The following KIAA1671 variants were observed in gnomAD, a reference collection of about 807,000 sequenced individuals.
KIAA1671 encodes the protein uncharacterized protein KIAA1671.
KIAA1671 carries 52 observed loss-of-function variants against 131.2 expected under a neutral mutation model. The ratio of observed to expected loss-of-function variants is 0.40; its 90% confidence interval spans 0.32 to 0.50. The LOEUF is 0.50. Ranked by LOEUF, KIAA1671 falls within the 20% of genes least tolerant of loss-of-function variation. The pLI is 0.73. For missense variants in KIAA1671, 2,360 were observed against 2,364.2 expected (o/e 1.00, Z 0.04); for synonymous variants, 1,003 against 961.6 (o/e 1.04, Z -0.80).
At chr22:25,119,543 A>G (rs1218268221) in intron 6 of KIAA1671, among the ~76,000 whole-genome samples, 1 of 152,258 alleles carries the variant, frequency 6.6e-6, no homozygotes, top group Non-Finnish European at 1.5e-5. Context: ...TGGGACTCAT[A>G]GGAGCAGGGA....
In KIAA1671 at chr22:25,039,541, G is replaced by A; in HGVS notation, c.2411G>A (p.Gly804Asp). The A allele has an allele frequency of 1.3e-6, 2 of 1,551,848 alleles. No individual in the cohort carries two copies. The highest frequency in any genetic ancestry group is 1.2e-5 in the South Asian group (1 of 84,070). The change falls in exon 5 of 13, where the codon GGC becomes GAC. Residue 804 changes from glycine to aspartate, a missense_variant. This residue lies in a region of KIAA1671 where 1,185 missense variants were observed against 1,126.2 expected (regional missense o/e 1.05). Transcript: ENST00000358431. Reference protein sequence around the residue: ...QRASLIWEARGMPEASGPKFG... With the variant: ...QRASLIWEARDMPEASGPKFG... ...GCCAGTTTGATTTGGGAAGCTCGAG[G>A]CATGCCTGAGGCTAGTGGACCGAAG...
chr22:24,954,888 C>A (rs968771403), intron 1 of KIAA1671, among the ~76,000 whole-genome samples: 16 of 152,174 alleles, frequency 1.1e-4, no homozygotes, highest in Non-Finnish European at 2.2e-4. Context: ...TCAAGCAATT[C>A]TCCGGCCTCA....
intron 6 of KIAA1671, among the ~76,000 whole-genome samples, chr22:25,077,691 C>T (rs1402554616): frequency 6.6e-6 from 1 of 152,202 alleles, no homozygotes; most frequent in Non-Finnish European, 1.5e-5. Context: ...GTGTTCCATG[C>T]CTTGGTCTCC....
rs1047165414 is a variant in KIAA1671 at position 25,029,277 on chromosome 22, G to A, written c.1278G>A (p.Ala426=). 4.6e-6 allele frequency: 7 copies of A among 1,508,226 alleles called. No individual in the cohort carries two copies. Among genetic ancestry groups the A allele is most frequent in the Admixed American group, 2.1e-5 (1 of 47,756 alleles). 93.4% of individuals were successfully genotyped at this position (1,508,226 alleles called of 1,614,324 possible). Residue 426 remains alanine, a synonymous_variant, in exon 3 of 13, where the codon GCG becomes GCA. Transcript: ENST00000358431. ...VKSRVADGEA[A]AGGEWASRRS... ...GCAGAGTGGCGGATGGGGAGGCCGC[G>A]GCAGGGGGAGAGTGGGCCTCCAGGA...
intron 1 of KIAA1671, among the ~76,000 whole-genome samples, chr22:25,022,153 C>CT (rs1452042101): frequency 6.6e-6 from 1 of 152,160 alleles, no homozygotes; most frequent in Non-Finnish European, 1.5e-5. Context: ...CCGGAAGATG[C>CT]TGGAAGGTGT....
At chr22:25,076,515 A>T (rs1462511769) in intron 6 of KIAA1671, among the ~76,000 whole-genome samples, 2 of 152,166 alleles carry the variant, frequency 1.3e-5, no homozygotes, top group Non-Finnish European at 2.9e-5. Flanking sequence ...AACCACTATC[A>T]CCATCAAGCT....
chr22:25,098,115 G>A (rs1930478938), intron 6 of KIAA1671, among the ~76,000 whole-genome samples: 1 of 152,190 alleles, frequency 6.6e-6, no homozygotes, highest in African/African-American at 2.4e-5. Flanking sequence ...TTACAAAATG[G>A]CAAAGAGAAC....
At chr22:24,954,924 A>G (rs1405334267) in intron 1 of KIAA1671, among the ~76,000 whole-genome samples, 1 of 151,696 alleles carries the variant, frequency 6.6e-6, no homozygotes, top group Non-Finnish European at 1.5e-5. Context: ...GGGATTACAG[A>G]TGCCCGCCAC....
chr22:25,060,686 CA>C (rs951247809), intron 6 of KIAA1671: 6 of 152,180 alleles, frequency 3.9e-5, no homozygotes, highest in Non-Finnish European at 8.8e-5. Context: ...GCAGGTAGCA[CA>C]GGTGGGGGCT....
intron 6 of KIAA1671, among the ~76,000 whole-genome samples, chr22:25,125,132 C>T (rs1446943772): frequency 1.3e-5 from 2 of 152,154 alleles, no homozygotes; most frequent in Non-Finnish European, 1.5e-5. Context: ...CCAGGTTGTT[C>T]GCATCTGGCA....
Position 25,038,744 on chromosome 22 carries a change from TTTTG to T in KIAA1671, c.1630-12_1630-9del. 6.6e-7 allele frequency: 1 copy of T among 1,517,342 alleles called. No individual in the cohort carries two copies. The highest frequency in any genetic ancestry group is 8.9e-7 in the Non-Finnish European group (1 of 1,125,356). 94.0% of individuals were successfully genotyped at this position (1,517,342 alleles called of 1,614,324 possible). A position where few individuals can be genotyped will look rare whatever the true frequency, so the allele number is the denominator to read the frequency against. On this transcript the variant is annotated splice_polypyrimidine_tract_variant and intron_variant, in intron 4 of 12. Transcript: ENST00000358431. ...TAAACACTGAGGTGTTTCTTTTTCT[TTTTG>T]TTTCTTTCCAGCAAAAGGAGGGGCA... is the stretch of plus-strand genomic sequence containing the variant.
chr22:25,081,442 G>A (rs555843075), intron 6 of KIAA1671, among the ~76,000 whole-genome samples: 1 of 152,196 alleles, frequency 6.6e-6, no homozygotes, highest in Non-Finnish European at 1.5e-5. Flanking sequence ...GCATTTCATT[G>A]TGGAGACCAG....
In KIAA1671 at chr22:24,963,044, C is replaced by G. The variant is rs75598206; in HGVS notation, c.-208+10272C>G. 5.1e-3 allele frequency among the ~76,000 whole-genome samples: 775 copies of G among 152,196 alleles called. 13 individuals are homozygous for G. Among genetic ancestry groups the G allele is most frequent in the African/African-American group, 0.017 (718 of 41,512 alleles). On this transcript the variant is annotated intron_variant, in intron 1 of 12. Transcript: ENST00000358431. ...GGTTTATGAGTATCCGCAGGGGTCACTGAGCTAGCTGCACGGTTAGAGGCC... is the reference window on the plus strand; with the variant it reads ...GGTTTATGAGTATCCGCAGGGGTCAGTGAGCTAGCTGCACGGTTAGAGGCC...
intron 9 of KIAA1671, chr22:25,179,450 T>A: frequency 6.2e-7 from 1 of 1,613,492 alleles, no homozygotes; most frequent in Non-Finnish European, 8.5e-7. Flanking sequence ...GAGCTTCTCC[T>A]CCGCCTGGCG....
intron 4 of KIAA1671, among the ~76,000 whole-genome samples, chr22:25,037,050 C>T (rs947369585): frequency 2.0e-5 from 3 of 152,142 alleles, no homozygotes; most frequent in East Asian, 3.9e-4. Context: ...AGTCCAGGTG[C>T]GGTGGCTTGT....
rs367555292 is a variant in KIAA1671 at position 25,103,745 on chromosome 22, G to C, written c.4530+54381G>C. 8.0e-4 allele frequency among the ~76,000 whole-genome samples: 122 copies of C among 152,264 alleles called. 2 individuals are homozygous for C. The South Asian group carries it at 0.025, about 31-fold the overall frequency. On this transcript the variant is annotated intron_variant, in intron 6 of 12. Transcript: ENST00000358431. The stretch of plus-strand genomic sequence containing the variant: ...CTGACCTTGTGATCCGCCCATCGCG[G>C]TCTCCCAAAGTGCTGGGATTACGGG...
intron 6 of KIAA1671, among the ~76,000 whole-genome samples, chr22:25,083,254 C>T (rs980834036): frequency 2.0e-5 from 3 of 152,296 alleles, no homozygotes; most frequent in African/African-American, 7.2e-5. Flanking sequence ...CTTCCCTCTG[C>T]GTGTGTGGGC....
intron 7 of KIAA1671, among the ~76,000 whole-genome samples, chr22:25,171,334 G>A (rs1418302893): frequency 1.3e-5 from 2 of 152,022 alleles, no homozygotes; most frequent in Non-Finnish European, 2.9e-5. Context: ...AACCTGGGAG[G>A]CGGAGGTTGC....
At chr22:25,137,131 G>C (rs1425412188) in intron 6 of KIAA1671, among the ~76,000 whole-genome samples, 1 of 152,142 alleles carries the variant, frequency 6.6e-6, no homozygotes. Flanking sequence ...GCAGTGTTAG[G>C]GATTCTCTGA....
Sources: gnomAD v4.1 joint callset for allele counts (sites outside exome capture counted in the v4.1 genomes callset) on GRCh38, gnomAD v4.1.1 for gene constraint, gnomAD v4.1.1 regional missense constraint, MANE v1.5 for transcripts, NCBI Gene and HGNC (gene_info 2026-07-23, HGNC 2026-07-21) for gene names.